Variants in MTREX observed in about 807,000 individuals in gnomAD.
The protein encoded by MTREX is exosome RNA helicase MTR4.
Under a neutral mutation model 135.4 loss-of-function variants are expected in MTREX, and 76 were observed. The observed-to-expected ratio is 0.56, with a 90% CI of 0.47 to 0.68. The LOEUF (loss-of-function observed/expected upper bound fraction) is 0.68, where lower values mean the gene tolerates loss of function less well. Among genes scored for constraint, MTREX ranks in the 30% least tolerant of loss-of-function variants. MTREX has a pLI of 0.00. For synonymous variants in MTREX, 404 were observed against 401.6 expected (o/e 1.01, Z -0.07); for missense variants, 920 against 1,262.1 (o/e 0.73, Z 4.11).
intron 3 of MTREX, among the ~76,000 whole-genome samples, chr5:55,324,966 G>A (rs1028316776): frequency 3.3e-5 from 5 of 152,184 alleles, no homozygotes; most frequent in African/African-American, 1.2e-4. Flanking sequence ...TTCATGTCTT[G>A]CTCCAATGAC....
In MTREX at chr5:55,400,223, T is replaced by C. The variant is rs1750703323; in HGVS notation, c.2293-10T>C. On this transcript the variant is annotated splice_polypyrimidine_tract_variant and intron_variant, in intron 20 of 26. Transcript: ENST00000230640. ...ATAAGATGAAAATGAATTTTACATA[T>C]TTTTTTCAGGAAGTTCAGAAACGTT... 1 of 1,545,618 alleles carries C rather than the reference T, an allele frequency of 6.5e-7. No homozygotes were observed. The highest frequency in any genetic ancestry group is 8.7e-7 in the Non-Finnish European group (1 of 1,143,918).
At position 55,324,400 on chromosome 5, in the gene MTREX, T is replaced by C. The variant is rs76878110; in HGVS notation, c.339+202T>C. The C allele has an allele frequency of 3.7e-3, 952 of 260,640 alleles. 11 individuals carry two copies. The highest frequency in any genetic ancestry group is 0.021 in the African/African-American group (903 of 42,152). 16.1% of individuals were successfully genotyped at this position (260,640 alleles called of 1,614,324 possible). On this transcript the variant is annotated intron_variant, in intron 3 of 26. Transcript: ENST00000230640. Reference sequence around the variant, plus strand: ...CCCCCAGCATTTTTCTTAACTATAATCTTGGGTAAATTTCTTATTTTAACT... The same window carrying C: ...CCCCCAGCATTTTTCTTAACTATAACCTTGGGTAAATTTCTTATTTTAACT...
intron 22 of MTREX, among the ~76,000 whole-genome samples, chr5:55,408,644 T>A (rs1305504850): frequency 6.6e-6 from 1 of 152,202 alleles, no homozygotes; most frequent in Non-Finnish European, 1.5e-5. Context: ...TATGGGTCAA[T>A]TGAACCCTGA....
intron 21 of MTREX, 114 bp from the exon 22 acceptor site, chr5:55,405,311 A>C (rs1750784734): frequency 1.1e-6 from 1 of 878,172 alleles, no homozygotes; most frequent in Admixed American, 2.5e-5. Flanking sequence ...TTTAACCCAG[A>C]AGTATACTGT....
chr5:55,414,293 A>G, intron 24 of MTREX, 55 bp downstream of exon 24: 1 of 1,303,208 alleles, frequency 7.7e-7, no homozygotes, highest in Non-Finnish European at 1.0e-6. Flanking sequence ...AGTAGATTGT[A>G]AAATAAACAT....
chr5:55,364,483 A>G (rs1270511339), intron 15 of MTREX, among the ~76,000 whole-genome samples: 3 of 152,232 alleles, frequency 2.0e-5, no homozygotes, highest in Non-Finnish European at 4.4e-5. Flanking sequence ...GGTATAAACT[A>G]TGAAACTGAG....
intron 3 of MTREX, among the ~76,000 whole-genome samples, chr5:55,327,356 A>G (rs527523159): frequency 2.9e-4 from 44 of 152,254 alleles, no homozygotes; most frequent in Middle Eastern, 3.4e-3. Context: ...CTGTCAGCAT[A>G]TGAGCATTCA....
chr5:55,416,253 C>T, intron 25 of MTREX, 121 bp downstream of exon 25: 1 of 606,720 alleles, frequency 1.6e-6, no homozygotes, highest in Non-Finnish European at 2.7e-6. Context: ...GAAATCTTCT[C>T]CCTATTATAT....
At chr5:55,322,860 T>C (rs1749310892) in intron 2 of MTREX, among the ~76,000 whole-genome samples, 1 of 152,220 alleles carries the variant, frequency 6.6e-6, no homozygotes, top group Admixed American at 6.5e-5. Context: ...CATTGTTGCA[T>C]GTGGAGTAGA....
intron 2 of MTREX, among the ~76,000 whole-genome samples, chr5:55,323,373 A>G (rs747615619): frequency 3.3e-5 from 5 of 152,120 alleles, no homozygotes; most frequent in Non-Finnish European, 7.4e-5. Flanking sequence ...GCCTTTTCAG[A>G]GTCTTAACAG....
intron 25 of MTREX, among the ~76,000 whole-genome samples, chr5:55,420,992 T>G (rs1579906929): frequency 6.6e-6 from 1 of 152,210 alleles, no homozygotes; most frequent in South Asian, 2.1e-4. Flanking sequence ...TTTGAAAAAT[T>G]TTTTAAAGAC....
At chr5:55,334,302 A>C (rs982436296) in intron 5 of MTREX, among the ~76,000 whole-genome samples, 1 of 152,088 alleles carries the variant, frequency 6.6e-6, no homozygotes, top group African/African-American at 2.4e-5. Context: ...TATACACTTT[A>C]AAATGGTTAA....
At chr5:55,377,741 C>G (rs754169908) in intron 16 of MTREX, among the ~76,000 whole-genome samples, 1 of 152,082 alleles carries the variant, frequency 6.6e-6, no homozygotes, top group East Asian at 1.9e-4. Flanking sequence ...ACTCCCATAG[C>G]CTTTGTTAGT....
chr5:55,315,534 G>A (rs968859924), intron 1 of MTREX, among the ~76,000 whole-genome samples: 64 of 151,538 alleles, frequency 4.2e-4, no homozygotes, highest in Admixed American at 2.0e-4. Context: ...TATATTTTTC[G>A]AGACAGACAA....
chr5:55,399,207 T>A (rs1561208497), intron 20 of MTREX, among the ~76,000 whole-genome samples: 7 of 152,222 alleles, frequency 4.6e-5, no homozygotes, highest in Non-Finnish European at 8.8e-5. Context: ...TATCAGTCTT[T>A]TGAAAGAGCT....
At chr5:55,417,258 A>G (rs1271942565) in intron 25 of MTREX, among the ~76,000 whole-genome samples, 1 of 152,176 alleles carries the variant, frequency 6.6e-6, no homozygotes, top group Admixed American at 6.5e-5. Flanking sequence ...TAAGTACTAT[A>G]TGCCAAACAC....
rs201539113 is a variant in MTREX, at chr5:55,378,384, T to C, written c.1881T>C (p.Tyr627=). 1.3e-4 allele frequency: 202 copies of C among 1,612,014 alleles called. No individual in the cohort carries two copies. Among genetic ancestry groups the C allele is most frequent in the Non-Finnish European group, 1.7e-4 (196 of 1,179,448 alleles). ...ATGAAGAAAGTGTGGTTATCTATTA[T>C]AAGATTAGACAGCAGCTTGCCAAAT... is the stretch of plus-strand genomic sequence containing the variant. The part of the protein sequence containing the change: ...IPNEESVVIY[Y]KIRQQLAKLG... The change falls in exon 17 of 27, where the codon TAT becomes TAC. Residue 627 remains tyrosine (Y), a synonymous_variant. Transcript: ENST00000230640.
intron 19 of MTREX, 147 bp downstream of exon 19, chr5:55,388,249 G>A: frequency 3.9e-6 from 2 of 516,104 alleles, no homozygotes. Context: ...TATTAGTAAA[G>A]CTATCTAACG....
Position 55,349,250 on chromosome 5 carries a change from G to A in MTREX, c.1241-323G>A, listed in dbSNP as rs188432937. ...TGCCAGGACTGGAGTGTAGTGGTGC[G>A]ATCATGGCTCACTGCAGCCTCAGCC... is the stretch of plus-strand genomic sequence containing the variant. On this transcript the variant is annotated intron_variant, in intron 11 of 26. Coordinates refer to ENST00000230640, the MANE Select transcript of MTREX (RefSeq NM_015360.5). Among the ~76,000 whole-genome samples, 6 of 149,970 alleles carry A rather than the reference G, an allele frequency of 4.0e-5. No homozygotes were observed. The South Asian group carries it at 1.1e-3, about 26-fold the overall frequency.
Sources: allele counts gnomAD v4.1 joint callset (sites outside exome capture counted in the v4.1 genomes callset), GRCh38; gene constraint gnomAD v4.1.1; transcripts MANE v1.5; gene names NCBI Gene and HGNC (gene_info 2026-07-23, HGNC 2026-07-21).